Variants in ZNF823 observed in about 807,000 individuals in gnomAD.
ZNF823 encodes zinc finger protein 823.
ZNF823 carries 5 observed loss-of-function variants against 11.4 expected under a neutral mutation model. The ratio of observed to expected loss-of-function variants is 0.44; its 90% CI spans 0.23 to 0.92. The LOEUF (loss-of-function observed/expected upper bound fraction) is 0.92. Ranked by LOEUF, ZNF823 falls within the 40% of genes least tolerant of loss-of-function variation. The pLI is 0.24. For synonymous variants in ZNF823, 234 were observed against 250.5 expected, an observed-to-expected ratio of 0.93 and a Z score of 0.62; for missense variants, 582 against 738.5, an observed-to-expected ratio of 0.79 and a Z score of 2.46.
chr19:11,724,210 C>T lies in ZNF823; in HGVS notation c.175G>A (p.Ala59Thr). ...DQNIGDQCQN[A>T]KRNLRSHTCE... ...GCAAATTACCTTAGATTTCTCTTGG[C>T]ATTTTGGCACTGATCTCCAATGTTC... The change falls in exon 3 of 4, where the codon GCC (alanine) becomes ACC (threonine). Residue 59 changes from alanine (A) to threonine (T), a missense_variant. Ala to Thr is a moderately conservative substitution (Grantham distance 58, BLOSUM62 0). Transcript: ENST00000341191. The T allele has an allele frequency of 1.2e-6, 2 of 1,609,018 alleles. No homozygotes were observed. The highest frequency in any genetic ancestry group is 1.7e-6 in the Non-Finnish European group (2 of 1,177,426).
intron 1 of ZNF823, among the ~76,000 whole-genome samples, chr19:11,727,919 G>A (rs1372974791): frequency 1.3e-5 from 2 of 149,040 alleles, no homozygotes; most frequent in Non-Finnish European, 3.0e-5. Flanking sequence ...CGGGAGTCTC[G>A]CTCTGTAGCC....
Position 11,722,233 on chromosome 19 carries a change from T to C in ZNF823, c.1301A>G (p.His434Arg). ...AFSLAGSLRR[H>R]EATHTGVKPY... The stretch of plus-strand genomic sequence containing the variant: ...TTTCACTCCAGTGTGAGTTGCTTCA[T>C]GTCTTCGAAGGGAACCGGCAAGACT... The change falls in exon 4 of 4, where the codon CAT (histidine) becomes CGT (arginine). Residue 434 changes from histidine (H) to arginine (R), a missense_variant. His to Arg is a conservative substitution (Grantham distance 29, BLOSUM62 0). Transcript: ENST00000341191. The surrounding 1 kb of genome is among the most constrained non-coding windows in gnomAD (Gnocchi z 5.2). 1 of 1,614,136 alleles carries C rather than the reference T, an allele frequency of 6.2e-7. No individual in the cohort carries two copies. Among genetic ancestry groups the C allele is most frequent in the Admixed American group, 1.7e-5 (1 of 60,024 alleles).
rs773773127 is a variant in ZNF823 at position 11,725,274 on chromosome 19, A to G, written c.57T>C (p.Ala19=). The part of the protein sequence containing the change: ...VAVNFTQEEW[A]LLGPSQKSLY... ...GACTCTTCTGTGATGGACCCAGCAAAGCCCACTCCTCTTGTGTGAAGTTCA... is the reference window on the plus strand; with the variant it reads ...GACTCTTCTGTGATGGACCCAGCAAGGCCCACTCCTCTTGTGTGAAGTTCA... The change falls in exon 2 of 4, where the codon GCT becomes GCC. Residue 19 remains alanine (A), a synonymous_variant. Coordinates refer to ENST00000341191, the MANE Select transcript of ZNF823 (RefSeq NM_001080493.4). 4.8e-5 allele frequency: 78 copies of G among 1,614,092 alleles called. No individual in the cohort carries two copies. The Admixed American group carries it at 1.2e-3, about 26-fold the overall frequency.
rs2145200864 is a variant in ZNF823 at position 11,721,932 on chromosome 19, T to C, written c.1602A>G (p.Lys534=). The C allele has an allele frequency of 6.2e-7, 1 of 1,614,154 alleles. No individual in the cohort carries two copies. The highest frequency in any genetic ancestry group is 2.2e-5 in the East Asian group (1 of 44,860). ...EKPYECKECG[K]AFSWLTCLLR... is the part of the protein sequence containing the mutation. Reference sequence around the variant, plus strand: ...GAAGGCAAGTGAGCCAAGAGAATGCTTTTCCACATTCCTTACATTCATATG... The same window carrying C: ...GAAGGCAAGTGAGCCAAGAGAATGCCTTTCCACATTCCTTACATTCATATG... The change falls in exon 4 of 4, where the codon AAA becomes AAG. Residue 534 remains lysine (K), a synonymous_variant. Transcript: ENST00000341191.
rs200638455 is a variant in ZNF823 at position 11,722,712 on chromosome 19, T to C, written c.822A>G (p.Lys274=). 1.2e-4 allele frequency: 200 copies of C among 1,614,168 alleles called. No individual in the cohort carries two copies. The African/African-American group carries it at 2.4e-3, about 19-fold the overall frequency. ...TCCCACATTGTGTACATTTATAGGG[T>C]TTCTCTCCGGTGTGAGTTCTCTCAT... ...LRHERTHTGE[K]PYKCTQCGKA... is the part of the protein sequence containing the mutation. The change falls in exon 4 of 4, where the codon AAA becomes AAG. Residue 274 remains lysine, a synonymous_variant. Transcript: ENST00000341191. This position sits in a 1 kb window ranked among gnomAD's most constrained non-coding sequence, Gnocchi z 5.2.
chr19:11,723,175 T>C lies in ZNF823; in HGVS notation c.359A>G (p.Asp120Gly). The part of the protein sequence containing the change: ...HSSLNCNIRV[D>G]TGHKSCEHQE... ...ATGCTCACATGATTTGTGTCCAGTGTCAACTCTGATGTTGCAATTAAGAGA... is the reference window on the plus strand; with the variant it reads ...ATGCTCACATGATTTGTGTCCAGTGCCAACTCTGATGTTGCAATTAAGAGA... The change falls in exon 4 of 4, where the codon GAC (aspartate) becomes GGC (glycine). Residue 120 changes from aspartate (D) to glycine (G), a missense_variant. Physicochemically the swap from Asp to Gly is moderately conservative, Grantham distance 94. This residue lies in a region of ZNF823 where 429 missense variants were observed against 553.7 expected (regional missense o/e 0.77). Coordinates refer to ENST00000341191, the MANE Select transcript of ZNF823 (RefSeq NM_001080493.4). 3.7e-6 allele frequency: 6 copies of C among 1,614,206 alleles called. No individual in the cohort carries two copies. The highest frequency in any genetic ancestry group is 5.1e-6 in the Non-Finnish European group (6 of 1,180,034).
At chr19:11,724,459 T>C (rs1974753105) in intron 2 of ZNF823, among the ~76,000 whole-genome samples, 1 of 150,842 alleles carries the variant, frequency 6.6e-6, no homozygotes, top group South Asian at 2.1e-4. Flanking sequence ...GACCAACCCC[T>C]CCCCTTCCTC....
At position 11,738,891 on chromosome 19, in the gene ZNF823, C is replaced by G. The variant is rs1250162661; in HGVS notation, c.-72G>C. The G allele has an allele frequency of 1.4e-5, 22 of 1,557,304 alleles. No homozygotes were observed. Among genetic ancestry groups the G allele is most frequent in the Admixed American group, 7.8e-5 (4 of 50,978 alleles). The stretch of plus-strand genomic sequence containing the variant: ...GGTCCCAGCGCGACAGACGCTGATA[C>G]AGACCTTCCAGGGCGTCTCTCTCTC... On this transcript the variant is annotated 5_prime_UTR_variant, in exon 1 of 4. Transcript: ENST00000341191.
At chr19:11,725,450 C>T (rs1974773574) in intron 1 of ZNF823, 123 bp from the exon 2 acceptor site, 5 of 1,375,826 alleles carry the variant, frequency 3.6e-6, no homozygotes, top group Non-Finnish European at 5.0e-6. Flanking sequence ...ACATAGTAAA[C>T]CCACTCTTAT....
chr19:11,738,544 ACGCGGAGCTGCGGG>A (rs759649477), intron 1 of ZNF823, among the ~76,000 whole-genome samples: 5 of 152,156 alleles, frequency 3.3e-5, no homozygotes, highest in Non-Finnish European at 5.9e-5. Context: ...ATCTGGGGAG[ACGCGGAGCTGCGGG>A]CGCGGAGCTG....
chr19:11,721,734 T>C lies in ZNF823; in HGVS notation c.1800A>G (p.Arg600=). 6.2e-7 allele frequency: 1 copy of C among 1,613,432 alleles called. No homozygotes were observed. Among genetic ancestry groups the C allele is most frequent in the East Asian group, 2.2e-5 (1 of 44,872 alleles). The change falls in exon 4 of 4, where the codon AGA becomes AGG. Residue 600 remains arginine, a synonymous_variant. Coordinates refer to ENST00000341191, the MANE Select transcript of ZNF823 (RefSeq NM_001080493.4). ...TATCTTTCCAGTGAGTCCTTTTATG[T>C]CTATGCAAGGAACGGAGAGAACTCA... ...KALSSLRSLH[R]HKRTHWKDTL
intron 1 of ZNF823, 103 bp downstream of exon 1, chr19:11,738,714 C>A: frequency 1.4e-6 from 2 of 1,428,666 alleles, no homozygotes; most frequent in Non-Finnish European, 1.9e-6. Context: ...ATTTGCAGAC[C>A]CCGGAGTCGC....
In ZNF823 at chr19:11,722,476, GTAGTT is replaced by G; in HGVS notation, c.1053_1057del (p.Glu351AspfsTer9). On this transcript the variant is annotated frameshift_variant, in exon 4 of 4. Coordinates refer to ENST00000341191, the MANE Select transcript of ZNF823 (RefSeq NM_001080493.4). LOFTEE classifies it low-confidence loss of function (END_TRUNC). The surrounding 1 kb of genome is among the most constrained non-coding windows in gnomAD (Gnocchi z 5.2). ...TTCATAGGGTTTCTCTCCAGTGTGA[GTAGTT>G]TCATGATTTCGAACTGAACTAGGAC... 2 of 1,614,238 alleles carry G rather than the reference GTAGTT, an allele frequency of 1.2e-6. No individual in the cohort carries two copies. The highest frequency in any genetic ancestry group is 3.3e-4 in the Middle Eastern group (2 of 6,062).
chr19:11,737,475 T>G (rs561596908), intron 1 of ZNF823, among the ~76,000 whole-genome samples: 1 of 151,878 alleles, frequency 6.6e-6, no homozygotes, highest in South Asian at 2.1e-4. Context: ...TTGGTCAGGC[T>G]GGTCTCGAAC....
chr19:11,737,560 CTTTTTTTTTT>C (rs766360043), intron 1 of ZNF823, among the ~76,000 whole-genome samples: 6 of 110,492 alleles, frequency 5.4e-5, no homozygotes, highest in Non-Finnish European at 1.1e-4. Flanking sequence ...CCGCGCCCGG[CTTTTTTTTTT>C]TTTTTTTTTT....
chr19:11,730,158 C>T (rs999035661), intron 1 of ZNF823, among the ~76,000 whole-genome samples: 1 of 152,052 alleles, frequency 6.6e-6, no homozygotes, highest in Admixed American at 6.6e-5. Flanking sequence ...AAACTCCCGA[C>T]CTCAGATGAT....
intron 1 of ZNF823, among the ~76,000 whole-genome samples, chr19:11,726,596 T>A (rs1974797145): frequency 6.6e-6 from 1 of 151,988 alleles, no homozygotes; most frequent in African/African-American, 2.4e-5. Context: ...AGACCTGAAT[T>A]AACACTGGGC....
chr19:11,724,301 T>A lies in ZNF823; in HGVS notation c.131-47A>T, dbSNP rs781278580. The A allele has an allele frequency of 1.9e-6, 3 of 1,545,030 alleles. No homozygotes were observed. The African/African-American group carries it at 4.2e-5, about 22-fold the overall frequency. The stretch of plus-strand genomic sequence containing the variant: ...ATCACTAAAAATGTTTACAAAATTA[T>A]AGAAAAACTCTAAGATTTTACGCGT... On this transcript the variant is annotated intron_variant, in intron 2 of 3. Coordinates refer to ENST00000341191, the MANE Select transcript of ZNF823 (RefSeq NM_001080493.4).
At position 11,722,851 on chromosome 19, in the gene ZNF823, G is replaced by A; in HGVS notation, c.683C>T (p.Ala228Val). The change falls in exon 4 of 4, where the codon GCC (alanine) becomes GTC (valine). Residue 228 changes from alanine to valine, a missense_variant. Coordinates refer to ENST00000341191, the MANE Select transcript of ZNF823 (RefSeq NM_001080493.4). The surrounding 1 kb of genome is among the most constrained non-coding windows in gnomAD (Gnocchi z 5.2). The stretch of plus-strand genomic sequence containing the variant: ...TAGATAGGAACTGTAAAAAGGAAAG[G>A]CTTTAGAACACTGCTTACATTCATA... ...KPYECKQCSK[A>V]FPFYSSYLRH... 1 of 1,613,756 alleles carries A rather than the reference G, an allele frequency of 6.2e-7. No homozygotes were observed. Among genetic ancestry groups the A allele is most frequent in the Non-Finnish European group, 8.5e-7 (1 of 1,179,920 alleles).
Sources: allele counts gnomAD v4.1 joint callset (sites outside exome capture counted in the v4.1 genomes callset), GRCh38; gene constraint gnomAD v4.1.1; regional missense constraint gnomAD v4.1.1; non-coding constraint Gnocchi (gnomAD v3.1); transcripts MANE v1.5; gene names NCBI Gene and HGNC (gene_info 2026-07-23, HGNC 2026-07-21).